The following PTGER4 variants were observed in gnomAD, a reference collection of about 807,000 sequenced individuals.
PTGER4 encodes the protein prostaglandin E receptor 4.
Under a neutral mutation model 33.2 loss-of-function variants are expected in PTGER4, and 11 were observed. That is an observed-to-expected ratio of 0.33 (90% CI 0.21 to 0.55). The LOEUF is 0.55. Ranked by LOEUF, PTGER4 falls within the 20% of genes least tolerant of loss-of-function variation. PTGER4 has a pLI of 0.92. For synonymous variants in PTGER4, 275 were observed against 281.5 expected (o/e 0.98, Z 0.23); for missense variants, 481 against 650.2 (o/e 0.74, Z 2.83).
At chr5:40,715,590 G>A in the PTGER4 span, 1 of 152,306 alleles carries the variant, frequency 6.6e-6, no homozygotes, top group African/African-American at 2.4e-5. Flanking sequence ...TGTTCAGAAT[G>A]TACACATTTG....
Position 40,681,566 on chromosome 5 carries a change from C to A in PTGER4, c.573C>A (p.Phe191Leu), listed in dbSNP as rs1741189998. Residue 191 changes from phenylalanine to leucine, a missense_variant, in exon 2 of 3, where the codon TTC becomes TTA. Coordinates refer to ENST00000302472, the MANE Select transcript of PTGER4 (RefSeq NM_000958.3). This position sits in a 1 kb window ranked among gnomAD's most constrained non-coding sequence, Gnocchi z 9.8. ...HAAYSYMYAGFSSFLILATVL... is the reference protein window; with the variant it reads ...HAAYSYMYAGLSSFLILATVL... ...CCTACTCCTACATGTACGCGGGCTTCAGCTCCTTCCTCATTCTCGCCACCG... is the reference window on the plus strand; with the variant it reads ...CCTACTCCTACATGTACGCGGGCTTAAGCTCCTTCCTCATTCTCGCCACCG... 1.2e-6 allele frequency: 2 copies of A among 1,611,196 alleles called. No individual in the cohort carries two copies. Among genetic ancestry groups the A allele is most frequent in the Non-Finnish European group, 1.7e-6 (2 of 1,180,048 alleles).
the PTGER4 span, among the ~76,000 whole-genome samples, chr5:40,706,157 T>C: frequency 2.0e-5 from 3 of 152,182 alleles, no homozygotes; most frequent in Non-Finnish European, 2.9e-5. Context: ...CGAAAGAGAA[T>C]GAGATCATGT....
Position 40,692,132 on chromosome 5 carries a change from T to G in PTGER4, c.1221T>G (p.Asn407Lys). 1 of 1,614,184 alleles carries G rather than the reference T, an allele frequency of 6.2e-7. No homozygotes were observed. The highest frequency in any genetic ancestry group is 8.5e-7 in the Non-Finnish European group (1 of 1,180,038). ...TCTCACTGCCAGACCTCAGTGAAAA[T>G]GGCCTTGGAGGCAGGAATTTGCTTC... ...PDLSLPDLSENGLGGRNLLPG... is the reference protein window; with the variant it reads ...PDLSLPDLSEKGLGGRNLLPG... The change falls in exon 3 of 3, where the codon AAT (asparagine) becomes AAG (lysine). Residue 407 changes from asparagine to lysine, a missense_variant. Asn to Lys is a moderately conservative substitution (Grantham distance 94). Transcript: ENST00000302472.
the PTGER4 span, among the ~76,000 whole-genome samples, chr5:40,722,612 A>G: frequency 1.3e-5 from 2 of 150,886 alleles, no homozygotes; most frequent in Non-Finnish European, 3.0e-5. Context: ...CTGAGAAGTG[A>G]GGAGCCCCTC....
rs201139203 is a variant in PTGER4 at position 40,692,185 on chromosome 5, A to G, written c.1274A>G (p.Gln425Arg). ...LPGVPGMGLA[Q>R]EDTTSLRTLR... ...GGTGTGCCTGGCATGGGCCTGGCCC[A>G]GGAAGACACCACCTCACTGAGGACT... Residue 425 changes from glutamine to arginine, a missense_variant, in exon 3 of 3, where the codon CAG (glutamine) becomes CGG (arginine). By Grantham distance (43) the Gln-to-Arg change is conservative. Transcript: ENST00000302472. 3.7e-6 allele frequency: 6 copies of G among 1,614,240 alleles called. No individual in the cohort carries two copies. Among genetic ancestry groups the G allele is most frequent in the East Asian group, 2.2e-5 (1 of 44,872 alleles).
downstream of PTGER4, among the ~76,000 whole-genome samples, chr5:40,697,242 G>A (rs1309887429): frequency 3.4e-4 from 16 of 47,622 alleles, no homozygotes; most frequent in African/African-American, 9.1e-4. Context: ...AAGAAAGAAA[G>A]AAAGAAAGAA....
chr5:40,726,506 C>T, the PTGER4 span, among the ~76,000 whole-genome samples: 1 of 147,972 alleles, frequency 6.8e-6, no homozygotes, highest in African/African-American at 2.5e-5. Context: ...CAGCTTAAAT[C>T]TACATAAAAA....
the PTGER4 span, among the ~76,000 whole-genome samples, chr5:40,733,053 T>C: frequency 1.2e-4 from 19 of 152,290 alleles, no homozygotes; most frequent in African/African-American, 4.6e-4. Context: ...TAAAAACAAA[T>C]TCTATCCTAA....
At chr5:40,728,295 A>AAAAAAAAAAAT in the PTGER4 span, 1 of 1,239,902 alleles carries the variant, frequency 8.1e-7, no homozygotes. Flanking sequence ...AAAAAAAAAA[A>AAAAAAAAAAAT]GTCAAAATAT....
At chr5:40,746,700 A>G in the PTGER4 span, 2 of 912,868 alleles carry the variant, frequency 2.2e-6, no homozygotes, top group Non-Finnish European at 3.2e-6. Context: ...AGATTTTTAA[A>G]CATGAATTTA....
chr5:40,742,533 C>T, the PTGER4 span, among the ~76,000 whole-genome samples: 1 of 152,134 alleles, frequency 6.6e-6, no homozygotes, highest in Non-Finnish European at 1.5e-5. Context: ...GAAACAAAGC[C>T]ATCTGGCACT....
At chr5:40,715,596 A>G in the PTGER4 span, 1 of 152,530 alleles carries the variant, frequency 6.6e-6, no homozygotes, top group South Asian at 2.1e-4. Flanking sequence ...GAATGTACAC[A>G]TTTGTGTGCA....
the PTGER4 span, among the ~76,000 whole-genome samples, chr5:40,736,862 C>T: frequency 6.6e-6 from 1 of 152,096 alleles, no homozygotes; most frequent in Non-Finnish European, 1.5e-5. Context: ...AATCTGACTT[C>T]AAAATCTACA....
At chr5:40,744,638 A>C in the PTGER4 span, among the ~76,000 whole-genome samples, 1 of 152,154 alleles carries the variant, frequency 6.6e-6, no homozygotes. Flanking sequence ...GGATGATCTG[A>C]AGTGTATTCT....
At chr5:40,709,653 T>G in the PTGER4 span, among the ~76,000 whole-genome samples, 1,436 of 152,246 alleles carry the variant, frequency 9.4e-3, 20 homozygotes, top group African/African-American at 0.032. Context: ...AAGCTACCAA[T>G]GACTTTCTTC....
At chr5:40,716,134 T>G in the PTGER4 span, 12 of 1,578,968 alleles carry the variant, frequency 7.6e-6, no homozygotes, top group Non-Finnish European at 1.0e-5. Context: ...AATAATCCTA[T>G]GCATACTGCT....
At chr5:40,728,377 G>A in the PTGER4 span, 33 of 1,607,592 alleles carry the variant, frequency 2.1e-5, no homozygotes, top group Admixed American at 3.4e-5. Flanking sequence ...AGTTGAGCAC[G>A]TCCCAAAGTC....
rs1455694718 is a variant in PTGER4, at chr5:40,693,024, A to ATT, written c.*650_*651dup. 1 of 904,430 alleles carries ATT rather than the reference A, an allele frequency of 1.1e-6. No homozygotes were observed. The highest frequency in any genetic ancestry group is 1.8e-5 in the African/African-American group (1 of 55,380). The allele number at this position is 904,430 out of a possible 1,614,324, so 56.0% of individuals were successfully genotyped here. A position where few individuals can be genotyped will look rare whatever the true frequency, so the allele number is the denominator to read the frequency against. On this transcript the variant is annotated 3_prime_UTR_variant, in exon 3 of 3. Coordinates refer to ENST00000302472, the MANE Select transcript of PTGER4 (RefSeq NM_000958.3). ...ATTGATATCTATAAAATAGATATAAATTTTTAAGAGAAAGAATTTAGTATT... is the reference window on the plus strand; with the variant it reads ...ATTGATATCTATAAAATAGATATAAATTTTTTTAAGAGAAAGAATTTAGTATT...
intron 2 of PTGER4, among the ~76,000 whole-genome samples, chr5:40,687,520 A>G (rs1741356028): frequency 1.3e-5 from 2 of 152,198 alleles, no homozygotes; most frequent in African/African-American, 2.4e-5. Flanking sequence ...CCCCATCTCA[A>G]CTGGGGTTGT....
Sources: allele counts gnomAD v4.1 joint callset (sites outside exome capture counted in the v4.1 genomes callset), GRCh38; gene constraint gnomAD v4.1.1; non-coding constraint Gnocchi (gnomAD v3.1); transcripts MANE v1.5; gene names NCBI Gene and HGNC (gene_info 2026-07-23, HGNC 2026-07-21).